The following WDFY1 variants were observed in gnomAD, a reference collection of about 807,000 sequenced individuals.
WDFY1 encodes WD repeat and FYVE domain-containing protein 1.
WDFY1 carries 32 observed loss-of-function variants against 56.4 expected under a neutral mutation model. The observed-to-expected ratio is 0.57, with a 90% CI of 0.43 to 0.76. The LOEUF is 0.76. Ranked by LOEUF, WDFY1 falls within the 30% of genes least tolerant of loss-of-function variation. The pLI is 0.00. For synonymous variants in WDFY1, 192 were observed against 197.3 expected (o/e 0.97, Z 0.23); for missense variants, 480 against 545.7 (o/e 0.88, Z 1.20).
rs1178833491 is a variant in WDFY1, at chr2:223,925,757, T to C, written c.138-7747A>G. Among the ~76,000 whole-genome samples the C allele has an allele frequency of 4.6e-5, 7 of 152,254 alleles. No individual in the cohort carries two copies. In the South Asian group the frequency reaches 1.2e-3, roughly 27 times the overall value. On this transcript the variant is annotated intron_variant, in intron 1 of 11. Transcript: ENST00000233055. ...TTATGGAATATTCTAAATCTTTTGC[T>C]GCCATTTCAACAATGTTCACCGCAT...
intron 6 of WDFY1, among the ~76,000 whole-genome samples, chr2:223,897,736 G>A (rs539683757): frequency 7.3e-4 from 111 of 152,060 alleles, no homozygotes; most frequent in African/African-American, 2.5e-3. Context: ...TTGGTAGTTG[G>A]CTCATGGGGG....
At chr2:223,917,886 T>C in intron 2 of WDFY1, 57 bp downstream of exon 2, 1 of 1,602,626 alleles carries the variant, frequency 6.2e-7, no homozygotes, top group Middle Eastern at 1.7e-4. Context: ...TTTTGAAATT[T>C]AAATCATCAA....
chr2:223,910,548 A>G (rs1559169637), intron 3 of WDFY1, among the ~76,000 whole-genome samples: 1 of 152,112 alleles, frequency 6.6e-6, no homozygotes, highest in East Asian at 1.9e-4. Context: ...AAAAACTCTT[A>G]CAACTCAACA....
At position 223,919,693 on chromosome 2, in the gene WDFY1, G is replaced by A. The variant is rs150839603; in HGVS notation, c.138-1683C>T. Among the ~76,000 whole-genome samples the A allele has an allele frequency of 2.7e-3, 418 of 152,266 alleles. 4 individuals are homozygous for A. Among genetic ancestry groups the A allele is most frequent in the African/African-American group, 9.3e-3 (385 of 41,546 alleles). On this transcript the variant is annotated intron_variant, in intron 1 of 11. Transcript: ENST00000233055. ...CGTGACCCATTTTTGTATTTCTAAC[G>A]GCAATGTAGATTCTGGCATAAGTAG...
chr2:223,926,644 A>ATG (rs1491558984), intron 1 of WDFY1, among the ~76,000 whole-genome samples: 85 of 119,372 alleles, frequency 7.1e-4, no homozygotes, highest in Admixed American at 4.0e-3. Flanking sequence ...ATATATACAA[A>ATG]TATGTGCGTG....
At chr2:223,904,581 G>A (rs541608060) in intron 4 of WDFY1, among the ~76,000 whole-genome samples, 1 of 152,176 alleles carries the variant, frequency 6.6e-6, no homozygotes, top group African/African-American at 2.4e-5. Flanking sequence ...ATTTGGAACA[G>A]GTGAAACAAT....
intron 1 of WDFY1, among the ~76,000 whole-genome samples, chr2:223,930,034 T>TC (rs1694048110): frequency 6.6e-6 from 1 of 152,242 alleles, no homozygotes; most frequent in African/African-American, 2.4e-5. Context: ...AATTACTTTT[T>TC]CCCCCCAAAT....
At chr2:223,944,318 G>A (rs1031296526) in intron 1 of WDFY1, among the ~76,000 whole-genome samples, 1 of 152,246 alleles carries the variant, frequency 6.6e-6, no homozygotes, top group Non-Finnish European at 1.5e-5. Flanking sequence ...ACTGACCCGG[G>A]AGGGCCAAGA....
chr2:223,926,506 T>A (rs1693981650), intron 1 of WDFY1, among the ~76,000 whole-genome samples: 6 of 151,980 alleles, frequency 3.9e-5, no homozygotes. Context: ...ATGAGTGTTG[T>A]ATTAGCAGGC....
At chr2:223,894,571 G>T in intron 7 of WDFY1, 1 of 500,198 alleles carries the variant, frequency 2.0e-6, no homozygotes, top group Non-Finnish European at 3.6e-6. Context: ...CGGTCATTAA[G>T]AATTGTAGGC....
Position 223,933,121 on chromosome 2 carries a change from A to T in WDFY1, c.137+12027T>A, listed in dbSNP as rs541813610. On this transcript the variant is annotated intron_variant, in intron 1 of 11. Transcript: ENST00000233055. ...TTATTCTCTAAATTAAAAGGCAGAGAAACCAGCCTCATTTTGTAGAGGAGA... is the reference window on the plus strand; with the variant it reads ...TTATTCTCTAAATTAAAAGGCAGAGTAACCAGCCTCATTTTGTAGAGGAGA... 2.3e-4 allele frequency among the ~76,000 whole-genome samples: 22 copies of T among 96,670 alleles called. No homozygotes were observed. The Admixed American group carries it at 2.3e-3, about 10-fold the overall frequency. The allele number at this position is 96,670 out of a possible 152,430, so 63.4% of individuals were successfully genotyped here.
chr2:223,899,011 A>C lies in WDFY1; in HGVS notation c.545T>G (p.Leu182Arg). 6.2e-7 allele frequency: 1 copy of C among 1,614,166 alleles called. No homozygotes were observed. The highest frequency in any genetic ancestry group is 8.5e-7 in the Non-Finnish European group (1 of 1,180,020). Residue 182 changes from leucine (L) to arginine (R), a missense_variant, in exon 6 of 12, where the codon CTG becomes CGG. Leu to Arg is a moderately radical substitution (Grantham distance 102). Transcript: ENST00000233055. ...TGAACACGTGTTCTGTTCAAGCTTC[A>C]GCAGGGTGATCTGCCCAGAATAATC... The part of the protein sequence containing the change: ...VGDYSGQITL[L>R]KLEQNTCSVI...
chr2:223,920,848 T>C (rs1445764812), intron 1 of WDFY1, among the ~76,000 whole-genome samples: 4 of 152,212 alleles, frequency 2.6e-5, no homozygotes, highest in Non-Finnish European at 5.9e-5. Flanking sequence ...GAAGACAAGG[T>C]ACTCTCGACA....
intron 6 of WDFY1, among the ~76,000 whole-genome samples, chr2:223,896,810 T>G (rs755645323): frequency 2.6e-5 from 4 of 152,180 alleles, no homozygotes; most frequent in African/African-American, 4.8e-5. Flanking sequence ...TCACATGACT[T>G]TCGACCCTGT....
intron 1 of WDFY1, among the ~76,000 whole-genome samples, chr2:223,934,186 T>C (rs566990527): frequency 6.6e-6 from 1 of 151,270 alleles, no homozygotes; most frequent in South Asian, 2.1e-4. Flanking sequence ...CTTCCCAAGT[T>C]CAAGCAATTC....
In WDFY1 at chr2:223,941,690, G is replaced by A. The variant is rs370535440; in HGVS notation, c.137+3458C>T. On this transcript the variant is annotated intron_variant, in intron 1 of 11. Coordinates refer to ENST00000233055, the MANE Select transcript of WDFY1 (RefSeq NM_020830.5). ...CAGGTCTAGCATGGGCCCCACACAC[G>A]TGCTGGGATTACAGGCGTGAGCCAC... Among the ~76,000 whole-genome samples, 11 of 152,286 alleles carry A rather than the reference G, an allele frequency of 7.2e-5. No individual in the cohort carries two copies. In the East Asian group the frequency reaches 1.5e-3, roughly 21 times the overall value.
intron 1 of WDFY1, among the ~76,000 whole-genome samples, chr2:223,927,998 G>T (rs547699350): frequency 6.6e-6 from 1 of 152,086 alleles, no homozygotes; most frequent in Non-Finnish European, 1.5e-5. Context: ...GTAACAGCCC[G>T]TTGATGGAGT....
intron 4 of WDFY1, among the ~76,000 whole-genome samples, chr2:223,903,396 A>C (rs1693537424): frequency 6.6e-6 from 1 of 151,882 alleles, no homozygotes; most frequent in Non-Finnish European, 1.5e-5. Context: ...GGTGGCTCGC[A>C]CCTGTAATCC....
At chr2:223,886,729 T>A (rs368376418) in intron 8 of WDFY1, among the ~76,000 whole-genome samples, 82 of 95,614 alleles carry the variant, frequency 8.6e-4, no homozygotes, top group Non-Finnish European at 9.7e-4. Context: ...AAACTCCGTC[T>A]AAAAAAAAAA....
Sources: allele counts gnomAD v4.1 joint callset (sites outside exome capture counted in the v4.1 genomes callset), GRCh38; gene constraint gnomAD v4.1.1; transcripts MANE v1.5; gene names NCBI Gene and HGNC (gene_info 2026-07-23, HGNC 2026-07-21).